Variants in ITCH observed in about 807,000 individuals in gnomAD.
ITCH encodes the protein itchy E3 ubiquitin protein ligase, also known as E3 ubiquitin-protein ligase Itchy homolog.
In ITCH, 28 loss-of-function variants were observed where a neutral mutation model predicts 126.8. The ratio of observed to expected loss-of-function variants is 0.22; its 90% CI spans 0.16 to 0.30. The LOEUF is 0.30. Among genes scored for constraint, ITCH ranks in the 10% least tolerant of loss-of-function variants. The probability of loss-of-function intolerance (pLI) is 1.00; values close to 1 mark genes in which losing one functional copy is unlikely to be tolerated. For missense variants in ITCH, 631 were observed against 1,032.4 expected (o/e 0.61, Z 5.33); for synonymous variants, 342 against 340.0 (o/e 1.01, Z -0.06).
At chr20:34,451,305 A>T (rs1032582831) in intron 12 of ITCH, among the ~76,000 whole-genome samples, 4 of 151,926 alleles carry the variant, frequency 2.6e-5, no homozygotes, top group Non-Finnish European at 5.9e-5. Flanking sequence ...AAAAAAAAAA[A>T]AGAAATTAGC....
At chr20:34,373,519 G>A (rs576051933) in intron 2 of ITCH, among the ~76,000 whole-genome samples, 32 of 152,158 alleles carry the variant, frequency 2.1e-4, no homozygotes, top group African/African-American at 7.5e-4. Flanking sequence ...CAGGTGATCC[G>A]CCTGCCTTGG....
At chr20:34,401,659 C>G in intron 3 of ITCH, 1 of 979,088 alleles carries the variant, frequency 1.0e-6, no homozygotes, top group Non-Finnish European at 1.2e-6. Context: ...AGGAAGTAGA[C>G]TGTGGAATCA....
At chr20:34,454,495 C>T (rs1021764246) in intron 12 of ITCH, 3 of 151,982 alleles carry the variant, frequency 2.0e-5, no homozygotes, top group African/African-American at 7.3e-5. Context: ...CTGAAGATGC[C>T]TTGACCAGCA....
At chr20:34,451,465 AAAG>A (rs1002418027) in intron 12 of ITCH, among the ~76,000 whole-genome samples, 9 of 152,106 alleles carry the variant, frequency 5.9e-5, no homozygotes, top group African/African-American at 2.2e-4. Flanking sequence ...GTCTCAAAAA[AAAG>A]AAGAAAGCAA....
intron 9 of ITCH, among the ~76,000 whole-genome samples, chr20:34,441,195 C>G (rs1714085843): frequency 6.6e-6 from 1 of 151,980 alleles, no homozygotes; most frequent in Non-Finnish European, 1.5e-5. Context: ...TTGCTTGAAC[C>G]TGGGAGGCAG....
intron 10 of ITCH, among the ~76,000 whole-genome samples, 162 bp from the exon 11 acceptor site, chr20:34,445,125 T>G (rs1411991825): frequency 6.6e-6 from 1 of 152,218 alleles, no homozygotes; most frequent in Non-Finnish European, 1.5e-5. Context: ...TTTCAAGAAA[T>G]AAATTTTTAG....
At chr20:34,491,529 G>T (rs1347882038) in intron 22 of ITCH, among the ~76,000 whole-genome samples, 2 of 152,014 alleles carry the variant, frequency 1.3e-5, no homozygotes, top group Non-Finnish European at 2.9e-5. Flanking sequence ...ACTCAAAATG[G>T]TTAAAATCGA....
At chr20:34,412,950 C>G (rs1320211264) in intron 5 of ITCH, among the ~76,000 whole-genome samples, 1 of 151,386 alleles carries the variant, frequency 6.6e-6, no homozygotes, top group East Asian at 1.9e-4. Context: ...AATAAAAATC[C>G]CACTTCAGAG....
At chr20:34,476,677 T>C (rs1287813974) in intron 16 of ITCH, 3 of 271,266 alleles carry the variant, frequency 1.1e-5, no homozygotes, top group Non-Finnish European at 2.0e-5. Context: ...ATGTGATGGT[T>C]TTGTGGGGGA....
At chr20:34,465,802 C>T (rs1986998558) in intron 14 of ITCH, among the ~76,000 whole-genome samples, 1 of 151,976 alleles carries the variant, frequency 6.6e-6, no homozygotes. Context: ...CAGGGTTTTT[C>T]GTTGTGGAAT....
At position 34,406,933 on chromosome 20, in the gene ITCH, CAGTAGATAACCTGGGTGGTGG is replaced by C. The variant is rs566863677; in HGVS notation, c.71-1696_71-1676del. Among the ~76,000 whole-genome samples the C allele has an allele frequency of 6.0e-4, 92 of 152,258 alleles. 1 individual carries two copies. In the South Asian group the frequency reaches 0.017, roughly 28 times the overall value. ...TAGCATTCTCTGAACTTTGCTGCTA[CAGTAGATAACCTGGGTGGTGG>C]AGTAGATAACCTGGGTGGTGGGTAC... On this transcript the variant is annotated intron_variant, in intron 3 of 24. Transcript: ENST00000374864.
rs552257061 is a variant in ITCH at position 34,478,279 on chromosome 20, C to T, written c.1658+419C>T. ...CCTTATAGTGATCAGGTCATTTTCC[C>T]CACCACAGATTACTGATACAGGTAA... On this transcript the variant is annotated intron_variant, in intron 17 of 24. Coordinates refer to ENST00000374864, the MANE Select transcript of ITCH (RefSeq NM_031483.7). Among the ~76,000 whole-genome samples, 4 of 152,286 alleles carry T rather than the reference C, an allele frequency of 2.6e-5. No homozygotes were observed. The South Asian group carries it at 8.3e-4, about 32-fold the overall frequency.
intron 2 of ITCH, among the ~76,000 whole-genome samples, chr20:34,376,046 T>C (rs761277989): frequency 6.6e-6 from 1 of 152,098 alleles, no homozygotes; most frequent in African/African-American, 2.4e-5. Flanking sequence ...ATTTTTATTG[T>C]TAAATGTTGG....
chr20:34,507,904 T>A lies in ITCH; in HGVS notation c.*110T>A, dbSNP rs1978337019. 1.3e-6 allele frequency: 1 copy of A among 765,036 alleles called. No individual in the cohort carries two copies. The highest frequency in any genetic ancestry group is 1.7e-5 in the African/African-American group (1 of 57,554). 47.4% of individuals were successfully genotyped at this position (765,036 alleles called of 1,614,324 possible). ...GACAATGGCTCTTTAGAGAGTTATC[T>A]GAGTGTAAGTAAATTAATGTTCTCA... On this transcript the variant is annotated 3_prime_UTR_variant, in exon 25 of 25. Coordinates refer to ENST00000374864, the MANE Select transcript of ITCH (RefSeq NM_031483.7).
intron 6 of ITCH, among the ~76,000 whole-genome samples, chr20:34,420,662 T>C (rs1013678270): frequency 2.8e-4 from 42 of 152,368 alleles, no homozygotes; most frequent in Middle Eastern, 3.4e-3. Context: ...GTAATTTTTT[T>C]TGATACATAG....
chr20:34,496,905 C>T (rs781482269), intron 23 of ITCH, among the ~76,000 whole-genome samples: 5 of 151,688 alleles, frequency 3.3e-5, no homozygotes, highest in East Asian at 1.9e-4. Context: ...GATTTTTGTA[C>T]GTTATGAGAG....
chr20:34,499,626 G>GAA (rs59964743), intron 23 of ITCH, among the ~76,000 whole-genome samples: 1 of 148,472 alleles, frequency 6.7e-6, no homozygotes, highest in Non-Finnish European at 1.5e-5. Context: ...TATCCTTTCA[G>GAA]AAAAAAAAAA....
rs186469487 is a variant in ITCH, at chr20:34,478,158, T to G, written c.1658+298T>G. Among the ~76,000 whole-genome samples the G allele has an allele frequency of 8.5e-5, 13 of 152,290 alleles. No individual in the cohort carries two copies. The East Asian group carries it at 2.5e-3, about 29-fold the overall frequency. ...TTAGAGACTCACCTAAGGCACATAA[T>G]AAATTGTAGAGCCTGGATGCAAGCT... On this transcript the variant is annotated intron_variant, in intron 17 of 24. Transcript: ENST00000374864.
In ITCH at chr20:34,444,652, G is replaced by GT. The variant is rs1047112111; in HGVS notation, c.966-629dup. On this transcript the variant is annotated intron_variant, in intron 10 of 24. Coordinates refer to ENST00000374864, the MANE Select transcript of ITCH (RefSeq NM_031483.7). ...AAATTGTGTGTGTGTGTTTTGTTTT[G>GT]TTTTTTCGAGATGGAGACTCACTCT... 9.2e-5 allele frequency among the ~76,000 whole-genome samples: 14 copies of GT among 152,090 alleles called. No homozygotes were observed. In the East Asian group the frequency reaches 1.4e-3, roughly 15 times the overall value.
Sources: allele counts gnomAD v4.1 joint callset (sites outside exome capture counted in the v4.1 genomes callset), GRCh38; gene constraint gnomAD v4.1.1; transcripts MANE v1.5; gene names NCBI Gene and HGNC (gene_info 2026-07-23, HGNC 2026-07-21).